The following EXPH5 variants were observed in gnomAD, a reference collection of about 807,000 sequenced individuals.
EXPH5 encodes exophilin 5, also known as exophilin-5.
EXPH5 carries 42 observed loss-of-function variants against 41.1 expected under a neutral mutation model. That is an observed-to-expected ratio of 1.02 (90% CI 0.80 to 1.32). The LOEUF (loss-of-function observed/expected upper bound fraction) is 1.32, where lower values mean the gene tolerates loss of function less well. EXPH5 is among the 40% of genes most tolerant of loss of function. The pLI is 0.00. For synonymous variants in EXPH5, 798 were observed against 833.5 expected (o/e 0.96, Z 0.73); for missense variants, 2,298 against 2,314.5 (o/e 0.99, Z 0.15).
intron 1 of EXPH5, among the ~76,000 whole-genome samples, chr11:108,545,236 A>C (rs917914186): frequency 6.6e-6 from 1 of 152,188 alleles, no homozygotes; most frequent in Admixed American, 6.5e-5. Context: ...CAACATGGTG[A>C]GACCCTGTCT....
chr11:108,554,505 GA>G (rs2093981826), intron 1 of EXPH5, among the ~76,000 whole-genome samples: 1 of 152,198 alleles, frequency 6.6e-6, no homozygotes, highest in Non-Finnish European at 1.5e-5. Context: ...TGGAACAAAT[GA>G]AACACTGTCA....
chr11:108,605,566 C>A, the EXPH5 span, among the ~76,000 whole-genome samples: 1 of 152,164 alleles, frequency 6.6e-6, no homozygotes. Flanking sequence ...GACAGCCCCC[C>A]TCCTACGCCC....
intron 1 of EXPH5, among the ~76,000 whole-genome samples, chr11:108,567,755 G>C (rs969937850): frequency 6.6e-6 from 1 of 152,120 alleles, no homozygotes; most frequent in African/African-American, 2.4e-5. Flanking sequence ...TGATATACTG[G>C]AAACAGGTAT....
intron 1 of EXPH5, among the ~76,000 whole-genome samples, chr11:108,551,506 T>C (rs971309714): frequency 7.9e-5 from 12 of 152,194 alleles, no homozygotes; most frequent in African/African-American, 2.7e-4. Flanking sequence ...TCTCTGTTTA[T>C]CTCCTCTCTG....
chr11:108,524,428 A>G (rs1255145756), intron 4 of EXPH5, among the ~76,000 whole-genome samples: 2 of 152,134 alleles, frequency 1.3e-5, no homozygotes, highest in Non-Finnish European at 2.9e-5. Context: ...TTCCTGGAAG[A>G]CTCCTGTTGA....
At chr11:108,534,530 A>G (rs2093866366) in intron 3 of EXPH5, among the ~76,000 whole-genome samples, 1 of 152,112 alleles carries the variant, frequency 6.6e-6, no homozygotes, top group South Asian at 2.1e-4. Context: ...CACTCTCTGC[A>G]CCTTGGTTTA....
chr11:108,561,059 T>C (rs2640756), intron 1 of EXPH5, among the ~76,000 whole-genome samples: 110,243 of 152,090 alleles, frequency 0.72, 40,026 homozygotes, highest in East Asian at 0.75. Context: ...ACATTATGCA[T>C]TTTAAATAAA....
At chr11:108,579,739 C>G (rs2094091984) in intron 1 of EXPH5, among the ~76,000 whole-genome samples, 1 of 152,058 alleles carries the variant, frequency 6.6e-6, no homozygotes, top group Admixed American at 6.6e-5. Context: ...ACTTTTTTCC[C>G]TCTCCTCCAC....
chr11:108,607,517 T>A, the EXPH5 span, among the ~76,000 whole-genome samples: 1 of 152,222 alleles, frequency 6.6e-6, no homozygotes, highest in East Asian at 1.9e-4. Flanking sequence ...GTGACTGGCA[T>A]GGTGGCTCTA....
intron 1 of EXPH5, among the ~76,000 whole-genome samples, chr11:108,566,411 T>C (rs984617222): frequency 6.6e-6 from 1 of 152,132 alleles, no homozygotes; most frequent in South Asian, 2.1e-4. Flanking sequence ...TCCTTCTGAG[T>C]GAAGGAAGCT....
At chr11:108,526,310 A>G (rs185049137) in intron 4 of EXPH5, among the ~76,000 whole-genome samples, 75 of 152,208 alleles carry the variant, frequency 4.9e-4, no homozygotes, top group African/African-American at 1.7e-3. Flanking sequence ...TGCCTTTTAG[A>G]CTGACATGCT....
chr11:108,528,113 C>T lies in EXPH5; in HGVS notation c.492+23G>A, dbSNP rs200626073. The T allele has an allele frequency of 4.5e-6, 7 of 1,549,070 alleles. No individual in the cohort carries two copies. In the African/African-American group the frequency reaches 9.5e-5, roughly 21 times the overall value. On this transcript the variant is annotated intron_variant, in intron 4 of 5. Coordinates refer to ENST00000265843, the MANE Select transcript of EXPH5 (RefSeq NM_015065.3). ...ATAAATTCTGAATTTCTTAGAGTAACCTGTAGTTATCTGGTTACTTACCAC... is the reference window on the plus strand; with the variant it reads ...ATAAATTCTGAATTTCTTAGAGTAATCTGTAGTTATCTGGTTACTTACCAC...
chr11:108,544,030 G>C (rs17108173), intron 1 of EXPH5, among the ~76,000 whole-genome samples: 2,298 of 152,186 alleles, frequency 0.015, 53 homozygotes, highest in African/African-American at 0.052. Context: ...CTAATTGTCA[G>C]TTCCCCAAAA....
chr11:108,594,408 T>C (rs1274541292), upstream of EXPH5, among the ~76,000 whole-genome samples: 1 of 152,212 alleles, frequency 6.6e-6, no homozygotes, highest in African/African-American at 2.4e-5. Context: ...TCTGTAAGAT[T>C]TTATTATCAT....
intron 5 of EXPH5, among the ~76,000 whole-genome samples, chr11:108,517,508 G>T (rs537250065): frequency 6.6e-6 from 1 of 152,328 alleles, no homozygotes; most frequent in African/African-American, 2.4e-5. Context: ...CGACTTCAGA[G>T]TTAACTTTTC....
intron 1 of EXPH5, among the ~76,000 whole-genome samples, chr11:108,550,238 C>A (rs1477834114): frequency 4.6e-5 from 7 of 152,176 alleles, no homozygotes; most frequent in East Asian, 1.9e-4. Flanking sequence ...GATCTTGAGA[C>A]TTCTGTATAA....
chr11:108,596,787 A>C (rs1430835535), upstream of EXPH5, among the ~76,000 whole-genome samples: 1 of 152,188 alleles, frequency 6.6e-6, no homozygotes, highest in Admixed American at 6.5e-5. Context: ...ACTATTGAGA[A>C]ATTTTTATAT....
chr11:108,568,340 C>T (rs1401625953), intron 1 of EXPH5, among the ~76,000 whole-genome samples: 2 of 152,142 alleles, frequency 1.3e-5, no homozygotes, highest in South Asian at 2.1e-4. Context: ...AGGCTGCTCA[C>T]CATGGCTGGC....
At chr11:108,602,585 T>A in the EXPH5 span, among the ~76,000 whole-genome samples, 1 of 151,938 alleles carries the variant, frequency 6.6e-6, no homozygotes, top group South Asian at 2.1e-4. Context: ...CTCATTCTGT[T>A]TTCCAGGCTG....
Sources: gnomAD v4.1 joint callset for allele counts (sites outside exome capture counted in the v4.1 genomes callset) on GRCh38, gnomAD v4.1.1 for gene constraint, MANE v1.5 for transcripts, NCBI Gene and HGNC (gene_info 2026-07-23, HGNC 2026-07-21) for gene names.